Variants in PDE1C observed in about 807,000 individuals in gnomAD.
PDE1C encodes the protein phosphodiesterase 1C.
PDE1C carries 62 observed loss-of-function variants against 93.1 expected under a neutral mutation model. The observed-to-expected ratio is 0.67, with a 90% CI of 0.54 to 0.82. The LOEUF (loss-of-function observed/expected upper bound fraction) is 0.82. PDE1C is among the 40% of genes least tolerant of loss of function. The pLI is 0.00. For missense variants in PDE1C, 742 were observed against 884.6 expected (o/e 0.84, Z 2.04); for synonymous variants, 325 against 310.1 (o/e 1.05, Z -0.50).
chr7:32,218,096 G>A (rs753753237), intron 1 of PDE1C, among the ~76,000 whole-genome samples: 4 of 152,126 alleles, frequency 2.6e-5, no homozygotes, highest in Non-Finnish European at 4.4e-5. Context: ...ATGAAATCCA[G>A]TCCCTTGTCT....
At chr7:32,172,372 A>T (rs939847312) in intron 2 of PDE1C, among the ~76,000 whole-genome samples, 7 of 152,144 alleles carry the variant, frequency 4.6e-5, no homozygotes, top group African/African-American at 1.7e-4. Flanking sequence ...CCATCAAAAA[A>T]TGGGCAAAGG....
chr7:32,217,461 TG>T (rs1454463794), intron 1 of PDE1C, among the ~76,000 whole-genome samples: 5 of 120,094 alleles, frequency 4.2e-5, no homozygotes, highest in Non-Finnish European at 9.0e-5. Flanking sequence ...TGACTTCCTT[TG>T]CCCCCATGTG....
At chr7:31,647,186 T>C in the PDE1C span, among the ~76,000 whole-genome samples, 2 of 152,248 alleles carry the variant, frequency 1.3e-5, no homozygotes, top group Non-Finnish European at 2.9e-5. Context: ...AGTTAGTGCA[T>C]GCAGCAACAT....
intron 1 of PDE1C, among the ~76,000 whole-genome samples, chr7:32,380,877 T>C (rs1784520838): frequency 6.6e-6 from 1 of 152,008 alleles, no homozygotes; most frequent in Non-Finnish European, 1.5e-5. Context: ...CTATTTGTTG[T>C]CACTCCCCAG....
At chr7:32,043,285 C>T (rs1792092936) in intron 2 of PDE1C, among the ~76,000 whole-genome samples, 1 of 152,294 alleles carries the variant, frequency 6.6e-6, no homozygotes, top group African/African-American at 2.4e-5. Context: ...AACTTGGCCC[C>T]AGCATGGCGG....
intron 3 of PDE1C, among the ~76,000 whole-genome samples, chr7:32,110,404 T>C (rs993927565): frequency 1.2e-4 from 19 of 152,182 alleles, no homozygotes; most frequent in African/African-American, 4.6e-4. Context: ...CCCACCCCTA[T>C]AATTCAATCA....
the PDE1C span, chr7:31,642,322 C>G: frequency 6.4e-6 from 7 of 1,101,544 alleles, no homozygotes; most frequent in Non-Finnish European, 9.1e-6. Flanking sequence ...CCCTATCAAC[C>G]AGGCTGCCAC....
chr7:32,286,542 C>T (rs1812014949), intron 1 of PDE1C, among the ~76,000 whole-genome samples: 1 of 152,112 alleles, frequency 6.6e-6, no homozygotes, highest in Non-Finnish European at 1.5e-5. Context: ...GGTGAGACAC[C>T]TCTGCCAAAA....
rs1794237058 is a variant in PDE1C, at chr7:31,753,452, T to C, written c.2062A>G (p.Lys688Glu). The change falls in exon 18 of 18, where the codon AAG (lysine) becomes GAG (glutamate). Residue 688 changes from lysine (K) to glutamate (E), a missense_variant. Physicochemically the swap from Lys to Glu is moderately conservative, Grantham distance 56. Around this residue, in one of 4 missense-constraint regions of PDE1C, gnomAD observed 454 missense variants for 459.4 expected, o/e 0.99. Transcript: ENST00000396191. ...KKTDEHPARYKMLDQRIKMKK... is the reference protein window; with the variant it reads ...KKTDEHPARYEMLDQRIKMKK... ...ATTTTGATCCTCTGATCCAGCATCT[T>C]GTACCTTGCAGGATGCTCATCAGTT... is the stretch of plus-strand genomic sequence containing the variant. 1 of 1,612,700 alleles carries C rather than the reference T, an allele frequency of 6.2e-7. No individual in the cohort carries two copies.
At chr7:31,713,367 G>A in the PDE1C span, among the ~76,000 whole-genome samples, 105 of 152,356 alleles carry the variant, frequency 6.9e-4, no homozygotes, top group African/African-American at 2.4e-3. Context: ...CAAGAGGTGG[G>A]CTCCCATGGC....
chr7:31,842,759 T>C (rs567310610), intron 9 of PDE1C, among the ~76,000 whole-genome samples: 4 of 152,032 alleles, frequency 2.6e-5, no homozygotes, highest in African/African-American at 9.6e-5. Context: ...TGATTTTTCC[T>C]CTTATCATTA....
chr7:32,025,233 G>A (rs1220290341), intron 2 of PDE1C, among the ~76,000 whole-genome samples: 7 of 152,058 alleles, frequency 4.6e-5, no homozygotes, highest in Non-Finnish European at 1.5e-5. Flanking sequence ...TTTACCTTGT[G>A]TATATAATTT....
At chr7:32,231,035 C>T (rs1296197050) in intron 1 of PDE1C, among the ~76,000 whole-genome samples, 1 of 152,118 alleles carries the variant, frequency 6.6e-6, no homozygotes, top group African/African-American at 2.4e-5. Context: ...GAGAAACACC[C>T]TGAAAGAAGG....
the PDE1C span, among the ~76,000 whole-genome samples, chr7:31,662,732 G>A: frequency 1.3e-5 from 2 of 152,140 alleles, no homozygotes; most frequent in African/African-American, 4.8e-5. Context: ...TCCTTCCACA[G>A]TTGGTAAGAA....
In PDE1C at chr7:32,131,688, C is replaced by G. The variant is rs944991447; in HGVS notation, c.308+38097G>C. Among the ~76,000 whole-genome samples the G allele has an allele frequency of 1.1e-4, 16 of 152,220 alleles. 5 individuals are homozygous for G. Among genetic ancestry groups the G allele is most frequent in the Admixed American group, 6.5e-5 (1 of 15,290 alleles). On this transcript the variant is annotated intron_variant, in intron 3 of 18. Coordinates refer to the PDE1C transcript ENST00000396193. ...GGTCTATCTTCCCTCCTCTTGATTG[C>G]CATTGTCCTAGTTCAGCTTCTCCTT...
intron 1 of PDE1C, among the ~76,000 whole-genome samples, chr7:32,399,234 T>A (rs1385385744): frequency 1.3e-5 from 2 of 152,212 alleles, no homozygotes; most frequent in Non-Finnish European, 2.9e-5. Context: ...CATGTTGGAT[T>A]GCATTCTTAG....
chr7:31,671,656 C>T, the PDE1C span, among the ~76,000 whole-genome samples: 24 of 152,130 alleles, frequency 1.6e-4, no homozygotes, highest in Non-Finnish European at 2.9e-5. Flanking sequence ...AGTCATGGGA[C>T]CCTGTCTCAG....
At chr7:31,813,354 G>C (rs1205029028) in intron 15 of PDE1C, among the ~76,000 whole-genome samples, 3 of 152,140 alleles carry the variant, frequency 2.0e-5, no homozygotes, top group African/African-American at 7.2e-5. Context: ...GCCTGCCAGG[G>C]TGCTGGGGTG....
chr7:31,993,741 C>T (rs1231394679), intron 2 of PDE1C, among the ~76,000 whole-genome samples: 2 of 152,050 alleles, frequency 1.3e-5, no homozygotes. Context: ...AATCAGAAGG[C>T]CTAAGCTCTG....
Sources: allele counts gnomAD v4.1 joint callset (sites outside exome capture counted in the v4.1 genomes callset), GRCh38; gene constraint gnomAD v4.1.1; regional missense constraint gnomAD v4.1.1; transcripts MANE v1.5; gene names NCBI Gene and HGNC (gene_info 2026-07-23, HGNC 2026-07-21).